The following GRIK1 variants were observed in gnomAD, a reference collection of about 807,000 sequenced individuals.
GRIK1 encodes glutamate receptor ionotropic, kainate 1.
GRIK1 carries 69 observed loss-of-function variants against 105.7 expected under a neutral mutation model. That is an observed-to-expected ratio of 0.65 (90% CI 0.54 to 0.80). The LOEUF (loss-of-function observed/expected upper bound fraction) is 0.80, where lower values mean the gene tolerates loss of function less well. Ranked by LOEUF, GRIK1 falls within the 30% of genes least tolerant of loss-of-function variation. The probability of loss-of-function intolerance (pLI) is 0.00; values close to 1 mark genes in which losing one functional copy is unlikely to be tolerated. For missense variants in GRIK1, 1,109 were observed against 1,167.3 expected (o/e 0.95, Z 0.73); for synonymous variants, 438 against 431.3 (o/e 1.02, Z -0.19).
intron 1 of GRIK1, among the ~76,000 whole-genome samples, chr21:29,735,309 G>A (rs183154924): frequency 1.7e-4 from 26 of 152,278 alleles, no homozygotes; most frequent in Admixed American, 7.8e-4. Context: ...TCAGCATGAG[G>A]GTGGTTCAGT....
At chr21:29,835,137 G>C (rs2067754093) in intron 1 of GRIK1, among the ~76,000 whole-genome samples, 1 of 152,050 alleles carries the variant, frequency 6.6e-6, no homozygotes, top group Non-Finnish European at 1.5e-5. Context: ...TTCTTGATTT[G>C]ATTCACTTGC....
chr21:29,578,802 G>A (rs1376642680), intron 13 of GRIK1, among the ~76,000 whole-genome samples: 1 of 151,996 alleles, frequency 6.6e-6, no homozygotes, highest in East Asian at 1.9e-4. Flanking sequence ...TCATATCTTT[G>A]TACTTAATTG....
chr21:29,823,944 T>A lies in GRIK1; in HGVS notation c.118+115439A>T, dbSNP rs1475857192. Among the ~76,000 whole-genome samples, 4 of 151,934 alleles carry A rather than the reference T, an allele frequency of 2.6e-5. No homozygotes were observed. In the South Asian group the frequency reaches 6.2e-4, roughly 24 times the overall value. ...TATTTTTAGTTTAATGGGAATACCA[T>A]GGAGGGTCATAAGAAGACAAAGAAC... is the stretch of plus-strand genomic sequence containing the variant. On this transcript the variant is annotated intron_variant, in intron 1 of 17. Transcript: ENST00000327783.
chr21:29,596,926 T>C (rs2061425518), intron 8 of GRIK1: 4 of 290,150 alleles, frequency 1.4e-5, no homozygotes, highest in African/African-American at 2.2e-5. Context: ...ATCAATCAAT[T>C]AACCAACCAA....
At chr21:29,639,599 A>G (rs1263854322) in intron 7 of GRIK1, among the ~76,000 whole-genome samples, 1 of 152,202 alleles carries the variant, frequency 6.6e-6, no homozygotes, top group Non-Finnish European at 1.5e-5. Flanking sequence ...GGGATCAGGA[A>G]CAAGATCATG....
Position 29,830,649 on chromosome 21 carries a change from T to C in GRIK1, c.118+108734A>G, listed in dbSNP as rs542131139. Among the ~76,000 whole-genome samples, 15 of 152,226 alleles carry C rather than the reference T, an allele frequency of 9.9e-5. No homozygotes were observed. In the South Asian group the frequency reaches 3.1e-3, roughly 32 times the overall value. On this transcript the variant is annotated intron_variant, in intron 1 of 17. Coordinates refer to ENST00000327783, the MANE Select transcript of GRIK1 (RefSeq NM_001330994.2). Reference sequence around the variant, plus strand: ...CTCCTTAAAGTTTATTTTCATTGTGTCCTAGGAAGTTTTACAATCTTTCAC... The same window carrying C: ...CTCCTTAAAGTTTATTTTCATTGTGCCCTAGGAAGTTTTACAATCTTTCAC...
At chr21:29,692,099 G>A (rs904257690) in intron 2 of GRIK1, among the ~76,000 whole-genome samples, 2 of 152,288 alleles carry the variant, frequency 1.3e-5, no homozygotes, top group Middle Eastern at 3.4e-3. Context: ...TTAATAGTTA[G>A]CTCTGCGGTA....
At chr21:29,822,646 G>T (rs888592185) in intron 1 of GRIK1, among the ~76,000 whole-genome samples, 5 of 151,892 alleles carry the variant, frequency 3.3e-5, no homozygotes, top group African/African-American at 1.2e-4. Flanking sequence ...CCTCTTTCTT[G>T]TGGGTTAATA....
chr21:29,816,577 G>A lies in GRIK1; in HGVS notation c.119-122514C>T, dbSNP rs1306951277. Among the ~76,000 whole-genome samples, 4 of 152,008 alleles carry A rather than the reference G, an allele frequency of 2.6e-5. No individual in the cohort carries two copies. The East Asian group carries it at 7.7e-4, about 29-fold the overall frequency. On this transcript the variant is annotated intron_variant, in intron 1 of 17. Transcript: ENST00000327783. ...ACAGATTAATGGGTAAATAAAATGTGGTATATATACACAGTGTAATACTAT... is the reference window on the plus strand; with the variant it reads ...ACAGATTAATGGGTAAATAAAATGTAGTATATATACACAGTGTAATACTAT...
intron 5 of GRIK1, among the ~76,000 whole-genome samples, chr21:29,652,855 C>T (rs188564266): frequency 2.6e-5 from 4 of 152,200 alleles, no homozygotes; most frequent in Non-Finnish European, 5.9e-5. Context: ...AGAAACACTT[C>T]GCAATTTGCA....
intron 8 of GRIK1, chr21:29,597,452 T>C: frequency 4.2e-6 from 1 of 237,870 alleles, no homozygotes; most frequent in East Asian, 9.5e-5. Flanking sequence ...TTCAGTGCTA[T>C]ACATAAGAGG....
chr21:29,666,579 T>C (rs1248716243), intron 4 of GRIK1, among the ~76,000 whole-genome samples: 1 of 152,178 alleles, frequency 6.6e-6, no homozygotes, highest in African/African-American at 2.4e-5. Flanking sequence ...GCTTCCACTG[T>C]TGTATCTCCA....
rs765157708 is a variant in GRIK1 at position 29,596,458 on chromosome 21, A to C, written c.1251+68T>G. ...ACAGGTCTGGTAACATTGGAAGGGC[A>C]CAGGCCTTTCCAATGACATTCCCCA... is the stretch of plus-strand genomic sequence containing the variant. On this transcript the variant is annotated intron_variant, in intron 9 of 17. Transcript: ENST00000327783. 4 of 1,003,896 alleles carry C rather than the reference A, an allele frequency of 4.0e-6. No homozygotes were observed. In the African/African-American group the frequency reaches 4.7e-5, roughly 12 times the overall value. 62.2% of individuals were successfully genotyped at this position (1,003,896 alleles called of 1,614,324 possible). A position where few individuals can be genotyped will look rare whatever the true frequency, so the allele number is the denominator to read the frequency against.
At chr21:29,929,818 A>T (rs751383593) in intron 1 of GRIK1, among the ~76,000 whole-genome samples, 16 of 152,230 alleles carry the variant, frequency 1.1e-4, no homozygotes, top group South Asian at 1.0e-3. Context: ...ACTTCTAGGT[A>T]TATATCCAAG....
intron 1 of GRIK1, among the ~76,000 whole-genome samples, chr21:29,822,439 T>C (rs2067330757): frequency 6.6e-6 from 1 of 152,048 alleles, no homozygotes; most frequent in Admixed American, 6.6e-5. Flanking sequence ...TTTGTTCCAA[T>C]GTACCCATGC....
intron 4 of GRIK1, among the ~76,000 whole-genome samples, chr21:29,670,265 A>G (rs1262601828): frequency 6.6e-6 from 1 of 152,228 alleles, no homozygotes; most frequent in East Asian, 1.9e-4. Flanking sequence ...AAAAGCAAAC[A>G]TAGGCCAAAA....
intron 14 of GRIK1, among the ~76,000 whole-genome samples, chr21:29,573,266 A>G (rs2090799306): frequency 6.6e-6 from 1 of 152,192 alleles, no homozygotes; most frequent in East Asian, 1.9e-4. Context: ...GACCAGGGAG[A>G]AAGCAGGAGC....
At position 29,726,387 on chromosome 21, in the gene GRIK1, A is replaced by C. The variant is rs185489704; in HGVS notation, c.119-32324T>G. The stretch of plus-strand genomic sequence containing the variant: ...ATGCCTAATTATATATTAAACATGC[A>C]CACACACACCCCTTCTAATTTAGAA... On this transcript the variant is annotated intron_variant, in intron 1 of 17. Transcript: ENST00000327783. Among the ~76,000 whole-genome samples the C allele has an allele frequency of 6.6e-5, 10 of 152,280 alleles. No homozygotes were observed. In the East Asian group the frequency reaches 1.9e-3, roughly 29 times the overall value.
intron 1 of GRIK1, among the ~76,000 whole-genome samples, chr21:29,712,083 T>TATACACACACAC (rs1232277994): frequency 0.011 from 1,526 of 135,338 alleles, 44 homozygotes; most frequent in African/African-American, 0.039. Flanking sequence ...TATACATACA[T>TATACACACACAC]ACACACACAC....
Sources: gnomAD v4.1 joint callset for allele counts (sites outside exome capture counted in the v4.1 genomes callset) on GRCh38, gnomAD v4.1.1 for gene constraint, MANE v1.5 for transcripts, NCBI Gene and HGNC (gene_info 2026-07-23, HGNC 2026-07-21) for gene names.